ZNF438: variants seen among roughly 807,000 people sequenced by gnomAD.
ZNF438 encodes zinc finger protein 438.
In ZNF438, 25 loss-of-function variants were observed where a neutral mutation model predicts 38.0. The observed-to-expected ratio is 0.66, with a 90% CI of 0.48 to 0.92. The LOEUF (loss-of-function observed/expected upper bound fraction) is 0.92, where lower values mean the gene tolerates loss of function less well. Ranked by LOEUF, ZNF438 falls within the 40% of genes least tolerant of loss-of-function variation. The pLI is 0.00. For synonymous variants in ZNF438, 372 were observed against 364.1 expected (o/e 1.02, Z -0.25); for missense variants, 1,007 against 999.6 (o/e 1.01, Z -0.10).
chr10:30,848,856 G>T (rs1221182321), exon 5 of ZNF438: 2 of 1,614,084 alleles, frequency 1.2e-6, no homozygotes, highest in Admixed American at 3.3e-5. Context: ...TGTTTGAACT[G>T]GAAGTGGTGG....
chr10:30,994,938 G>T (rs1378560794), intron 1 of ZNF438, among the ~76,000 whole-genome samples: 1 of 151,986 alleles, frequency 6.6e-6, no homozygotes, highest in Non-Finnish European at 1.5e-5. Flanking sequence ...AGGCTGAGGT[G>T]GGAGGACTGC....
Position 30,853,117 on chromosome 10 carries a change from G to A in ZNF438, c.38-2750C>T, listed in dbSNP as rs2033988189. ...AAATAATTACATTAACAGTAATAAT[G>A]TTCTTTGCATTTACACAACAGATCT... On this transcript the variant is annotated intron_variant, in intron 4 of 5. Coordinates refer to ENST00000413025, the Ensembl canonical transcript of ZNF438. Among the ~76,000 whole-genome samples the A allele has an allele frequency of 2.6e-5, 4 of 152,198 alleles. No individual in the cohort carries two copies. In the South Asian group the frequency reaches 8.3e-4, roughly 32 times the overall value.
chr10:30,910,731 C>A (rs80189372), intron 2 of ZNF438, among the ~76,000 whole-genome samples: 1,929 of 138,790 alleles, frequency 0.014, 55 homozygotes, highest in African/African-American at 0.046. Flanking sequence ...AACTCATCAT[C>A]TTTTTACCTA....
intron 2 of ZNF438, among the ~76,000 whole-genome samples, chr10:30,926,162 T>C (rs2044889372): frequency 6.6e-6 from 1 of 152,202 alleles, no homozygotes; most frequent in Non-Finnish European, 1.5e-5. Context: ...TGGACATCCA[T>C]CTTGGGCAAT....
intron 1 of ZNF438, among the ~76,000 whole-genome samples, chr10:31,015,044 G>A (rs938974759): frequency 1.3e-5 from 2 of 152,018 alleles, no homozygotes; most frequent in Non-Finnish European, 2.9e-5. Flanking sequence ...AACTTTTTTT[G>A]TAGATACAAG....
chr10:30,907,701 C>T (rs2042717558), intron 3 of ZNF438, among the ~76,000 whole-genome samples: 1 of 151,988 alleles, frequency 6.6e-6, no homozygotes, highest in East Asian at 1.9e-4. Context: ...TCCCCTCTTT[C>T]TTTGTTGATT....
At chr10:30,998,036 T>C (rs546085917) in intron 1 of ZNF438, among the ~76,000 whole-genome samples, 4 of 152,318 alleles carry the variant, frequency 2.6e-5, no homozygotes, top group African/African-American at 9.6e-5. Flanking sequence ...TTCAGTTGGG[T>C]CTCTGTCACT....
In ZNF438 at chr10:31,008,549, T is replaced by C. The variant is rs367688033; in HGVS notation, c.-192+23284A>G. Among the ~76,000 whole-genome samples the C allele has an allele frequency of 3.3e-5, 5 of 152,356 alleles. No individual in the cohort carries two copies. The East Asian group carries it at 9.6e-4, about 29-fold the overall frequency. On this transcript the variant is annotated intron_variant, in intron 1 of 5. Coordinates refer to ENST00000413025, the Ensembl canonical transcript of ZNF438. ...GAATCATACAACATATAGCCTTTTATGTCTGATCCTTTCACTTAGCATGTT... is the reference window on the plus strand; with the variant it reads ...GAATCATACAACATATAGCCTTTTACGTCTGATCCTTTCACTTAGCATGTT...
At chr10:30,845,692 T>G (rs1015783941) in intron 5 of ZNF438, 119 bp from the exon 7 acceptor site, 2 of 1,264,354 alleles carry the variant, frequency 1.6e-6, no homozygotes, top group Non-Finnish European at 2.1e-6. Flanking sequence ...AGACAAGGGC[T>G]GGGGTAAACA....
chr10:30,883,620 C>G (rs997661798), intron 3 of ZNF438, among the ~76,000 whole-genome samples: 1 of 152,108 alleles, frequency 6.6e-6, no homozygotes, highest in Non-Finnish European at 1.5e-5. Context: ...CCTGTAATCC[C>G]AACACTTTTG....
chr10:30,917,547 T>G (rs1421849791), intron 2 of ZNF438, among the ~76,000 whole-genome samples: 1 of 152,188 alleles, frequency 6.6e-6, no homozygotes, highest in East Asian at 1.9e-4. Flanking sequence ...ATTTCCCAGA[T>G]GACAAATGAC....
exon 6 of ZNF438, chr10:30,845,174 C>T: frequency 6.2e-7 from 1 of 1,614,202 alleles, no homozygotes; most frequent in Non-Finnish European, 8.5e-7. Context: ...ACTCAGGGCC[C>T]TGGCAGGTTT....
At chr10:30,863,705 T>A (rs2035954523) in intron 4 of ZNF438, among the ~76,000 whole-genome samples, 1 of 152,210 alleles carries the variant, frequency 6.6e-6, no homozygotes, top group African/African-American at 2.4e-5. Flanking sequence ...TGTGTGCCTG[T>A]GAGTGGTCTC....
chr10:30,924,535 A>T (rs1467775028), intron 2 of ZNF438, among the ~76,000 whole-genome samples: 3 of 152,258 alleles, frequency 2.0e-5, no homozygotes, highest in Non-Finnish European at 4.4e-5. Flanking sequence ...CAGATAAAAT[A>T]AAGTTTCCAG....
chr10:30,886,861 A>C (rs953930438), intron 3 of ZNF438, among the ~76,000 whole-genome samples: 1 of 152,192 alleles, frequency 6.6e-6, no homozygotes, highest in East Asian at 1.9e-4. Flanking sequence ...ATTCAACAAA[A>C]TGCACCCCAC....
At chr10:30,992,678 G>A (rs1429102682) in intron 1 of ZNF438, among the ~76,000 whole-genome samples, 2 of 152,220 alleles carry the variant, frequency 1.3e-5, no homozygotes, top group African/African-American at 2.4e-5. Flanking sequence ...CTCCCACAGT[G>A]CAGGGATTAC....
At chr10:30,909,171 G>A (rs1356022862) in intron 2 of ZNF438, among the ~76,000 whole-genome samples, 156 bp from the exon 4 acceptor site, 2 of 152,084 alleles carry the variant, frequency 1.3e-5, no homozygotes, top group Non-Finnish European at 2.9e-5. Context: ...ATCAAACTGT[G>A]TAATATGAAA....
intron 1 of ZNF438, among the ~76,000 whole-genome samples, chr10:30,976,470 A>C (rs543725055): frequency 6.6e-6 from 1 of 152,328 alleles, no homozygotes; most frequent in African/African-American, 2.4e-5. Context: ...GGCTGGGTGC[A>C]GTGGCACACA....
At chr10:30,950,278 T>G (rs2048010331) in intron 1 of ZNF438, among the ~76,000 whole-genome samples, 1 of 151,980 alleles carries the variant, frequency 6.6e-6, no homozygotes, top group Non-Finnish European at 1.5e-5. Flanking sequence ...TAGCACTAAA[T>G]GCCCACAAGA....
Sources: gnomAD v4.1 joint callset for allele counts (sites outside exome capture counted in the v4.1 genomes callset) on GRCh38, gnomAD v4.1.1 for gene constraint, MANE v1.5 for transcripts, NCBI Gene and HGNC (gene_info 2026-07-23, HGNC 2026-07-21) for gene names.